The following MAGI1 variants were observed in gnomAD, a reference collection of about 807,000 sequenced individuals.
MAGI1 encodes the protein membrane associated guanylate kinase, WW and PDZ domain containing 1.
Under a neutral mutation model 139.9 loss-of-function variants are expected in MAGI1, and 58 were observed. That is an observed-to-expected ratio of 0.41 (90% CI 0.34 to 0.52). The LOEUF is 0.52. Among genes scored for constraint, MAGI1 ranks in the 20% least tolerant of loss-of-function variants. The pLI, the probability that MAGI1 is intolerant of heterozygous loss-of-function variation, is 0.12. For missense variants in MAGI1, 1,874 were observed against 1,901.6 expected, an observed-to-expected ratio of 0.99 and a Z score of 0.27; for synonymous variants, 812 against 737.9, an observed-to-expected ratio of 1.10 and a Z score of -1.63.
chr3:65,950,067 C>CAAAAAAAAACAAAAAAAAAA (rs2063733550), intron 1 of MAGI1, among the ~76,000 whole-genome samples: 4 of 76,716 alleles, frequency 5.2e-5, no homozygotes, highest in African/African-American at 1.7e-4. Context: ...AACAAAAAAA[C>CAAAAAAAAACAAAAAAAAAA]AAAAAAAAAA....
At position 66,038,579 on chromosome 3, in the gene MAGI1, G is replaced by A; in HGVS notation, c.-271C>T. 4.6e-6 allele frequency: 2 copies of A among 433,714 alleles called. No homozygotes were observed. The highest frequency in any genetic ancestry group is 8.1e-6 in the Non-Finnish European group (2 of 248,320). 26.9% of individuals were successfully genotyped at this position (433,714 alleles called of 1,614,324 possible). ...CCTCTGGGTCCACGTTCCGGCGCCC[G>A]CCCGTGCTCTCCCGGACCAGAGTCC... On this transcript the variant is annotated 5_prime_UTR_variant, in exon 1 of 23. Transcript: ENST00000402939.
chr3:65,581,370 A>C (rs187456195), intron 2 of MAGI1, among the ~76,000 whole-genome samples: 26 of 152,180 alleles, frequency 1.7e-4, no homozygotes, highest in African/African-American at 6.3e-4. Flanking sequence ...ACAAGAAAAA[A>C]AAAGGCAAAT....
intron 1 of MAGI1, among the ~76,000 whole-genome samples, chr3:65,915,559 C>T (rs1223869408): frequency 6.6e-6 from 1 of 152,022 alleles, no homozygotes; most frequent in Non-Finnish European, 1.5e-5. Context: ...AGAGACTGGA[C>T]TGGGAAGAGG....
At chr3:65,765,460 T>C (rs1473339187) in intron 1 of MAGI1, among the ~76,000 whole-genome samples, 1 of 152,234 alleles carries the variant, frequency 6.6e-6, no homozygotes, top group South Asian at 2.1e-4. Flanking sequence ...AGGAGAGGTG[T>C]ACTACTCTAC....
rs542985149 is a variant in MAGI1, at chr3:65,985,248, G to A, written c.313+52748C>T. 3.3e-5 allele frequency among the ~76,000 whole-genome samples: 5 copies of A among 152,368 alleles called. No individual in the cohort carries two copies. In the East Asian group the frequency reaches 9.6e-4, roughly 29 times the overall value. ...TGACAAGTTATTGTTAACATTATAT[G>A]AATGGGAGGTGGCAGGTCAAGTAAG... On this transcript the variant is annotated intron_variant, in intron 1 of 22. Coordinates refer to ENST00000402939, the MANE Select transcript of MAGI1 (RefSeq NM_001033057.2).
At chr3:65,597,508 C>G (rs1028964092) in intron 2 of MAGI1, among the ~76,000 whole-genome samples, 2 of 151,888 alleles carry the variant, frequency 1.3e-5, no homozygotes, top group Admixed American at 6.6e-5. Flanking sequence ...TTTTCTCCCC[C>G]CTCCCCCTTC....
chr3:65,424,870 T>C (rs1424683438), intron 12 of MAGI1, among the ~76,000 whole-genome samples: 2 of 151,962 alleles, frequency 1.3e-5, no homozygotes, highest in African/African-American at 4.8e-5. Context: ...GAATCACCAG[T>C]GGTACCTGGG....
chr3:66,032,573 G>A (rs190229079), intron 1 of MAGI1, among the ~76,000 whole-genome samples: 1 of 151,562 alleles, frequency 6.6e-6, no homozygotes, highest in Non-Finnish European at 1.5e-5. Context: ...AGAGAGACAA[G>A]CTTCTTGTTT....
At chr3:66,010,577 C>T (rs928187740) in intron 1 of MAGI1, among the ~76,000 whole-genome samples, 8 of 152,178 alleles carry the variant, frequency 5.3e-5, no homozygotes, top group African/African-American at 1.9e-4. Flanking sequence ...CTAGGCGTTC[C>T]TCACTTACAC....
intron 1 of MAGI1, among the ~76,000 whole-genome samples, chr3:65,782,995 AAAC>A (rs139263430): frequency 6.6e-6 from 1 of 151,896 alleles, no homozygotes; most frequent in Non-Finnish European, 1.5e-5. Context: ...TTTAAAAACA[AAAC>A]AACAACAACA....
At chr3:65,414,453 G>A (rs1053038870) in intron 12 of MAGI1, among the ~76,000 whole-genome samples, 1 of 152,190 alleles carries the variant, frequency 6.6e-6, no homozygotes, top group East Asian at 1.9e-4. Flanking sequence ...AGATCTAGGG[G>A]AAGCAATGAT....
intron 1 of MAGI1, among the ~76,000 whole-genome samples, chr3:65,886,835 T>C (rs1419779306): frequency 1.3e-5 from 2 of 152,206 alleles, no homozygotes; most frequent in East Asian, 1.9e-4. Flanking sequence ...CAAACCTATA[T>C]GTTGGCTGAT....
chr3:65,745,036 A>G (rs891269636), intron 1 of MAGI1, among the ~76,000 whole-genome samples: 2 of 152,192 alleles, frequency 1.3e-5, no homozygotes, highest in Non-Finnish European at 2.9e-5. Flanking sequence ...TAGATCTTCC[A>G]TACAAGCAGA....
intron 1 of MAGI1, among the ~76,000 whole-genome samples, chr3:65,800,023 C>T (rs999606242): frequency 1.3e-5 from 2 of 152,202 alleles, no homozygotes; most frequent in African/African-American, 4.8e-5. Flanking sequence ...AAGGTTCCGA[C>T]TGCCTAATTC....
intron 1 of MAGI1, among the ~76,000 whole-genome samples, chr3:65,850,462 A>G (rs1350714448): frequency 1.3e-5 from 2 of 152,202 alleles, no homozygotes; most frequent in African/African-American, 4.8e-5. Flanking sequence ...ATATCCTTGA[A>G]GTGTCAAGAT....
intron 1 of MAGI1, among the ~76,000 whole-genome samples, chr3:65,760,690 A>T (rs264083): frequency 2.0e-5 from 3 of 151,860 alleles, no homozygotes; most frequent in Admixed American, 1.3e-4. Context: ...TACAGGCACG[A>T]GCCACTGGCC....
At position 65,391,263 on chromosome 3, in the gene MAGI1, C is replaced by A. The variant is rs756347559; in HGVS notation, c.2295G>T (p.Gln765His). 5 of 1,614,084 alleles carry A rather than the reference C, an allele frequency of 3.1e-6. No homozygotes were observed. The highest frequency in any genetic ancestry group is 4.2e-6 in the Non-Finnish European group (5 of 1,180,050). The change falls in exon 14 of 23, where the codon CAG (glutamine) becomes CAT (histidine). Residue 765 changes from glutamine to histidine, a missense_variant. By Grantham distance (24) the Gln-to-His change is conservative. Around this residue, in one of 5 missense-constraint regions of MAGI1, gnomAD observed 482 missense variants for 509.6 expected, o/e 0.95. Coordinates refer to ENST00000402939, the MANE Select transcript of MAGI1 (RefSeq NM_001033057.2). ...LHTASPSHST[Q>H]VLPEFPPAEA... ...CTGCAGGTGGGAACTCGGGGAGCAC[C>A]TGTGTGCTGTGGCTTGGGGATGCTG...
chr3:65,903,833 C>A (rs2061333045), intron 1 of MAGI1, among the ~76,000 whole-genome samples: 1 of 151,916 alleles, frequency 6.6e-6, no homozygotes, highest in Non-Finnish European at 1.5e-5. Flanking sequence ...TGTGGTGAAA[C>A]CCTGTCTCTA....
chr3:65,443,633 C>G (rs1301907233), intron 7 of MAGI1, among the ~76,000 whole-genome samples: 3 of 152,006 alleles, frequency 2.0e-5, no homozygotes, highest in Non-Finnish European at 4.4e-5. Flanking sequence ...GTGGAAAGGC[C>G]CACTGCACCA....
Sources: allele counts gnomAD v4.1 joint callset (sites outside exome capture counted in the v4.1 genomes callset), GRCh38; gene constraint gnomAD v4.1.1; regional missense constraint gnomAD v4.1.1; transcripts MANE v1.5; gene names NCBI Gene and HGNC (gene_info 2026-07-23, HGNC 2026-07-21).